MIER1: variants seen among roughly 807,000 people sequenced by gnomAD.
MIER1 encodes MIER1 transcriptional regulator.
Under a neutral mutation model 75.7 loss-of-function variants are expected in MIER1, and 40 were observed. The ratio of observed to expected loss-of-function variants is 0.53; its 90% CI spans 0.41 to 0.69. MIER1 has a LOEUF of 0.69. Ranked by LOEUF, MIER1 falls within the 30% of genes least tolerant of loss-of-function variation. The probability of loss-of-function intolerance (pLI) is 0.00; values close to 1 mark genes in which losing one functional copy is unlikely to be tolerated. For synonymous variants in MIER1, 213 were observed against 223.4 expected, an observed-to-expected ratio of 0.95 and a Z score of 0.42; for missense variants, 574 against 680.2, an observed-to-expected ratio of 0.84 and a Z score of 1.74.
chr1:66,945,217 C>T (rs986529380), intron 3 of MIER1, among the ~76,000 whole-genome samples: 10 of 141,648 alleles, frequency 7.1e-5, no homozygotes, highest in African/African-American at 2.3e-4. Flanking sequence ...ATAGTATTTG[C>T]GTGTAACCTA....
intron 4 of MIER1, chr1:66,946,977 A>G: frequency 1.0e-6 from 1 of 985,306 alleles, no homozygotes; most frequent in Non-Finnish European, 1.2e-6. Flanking sequence ...TGTGATTCTC[A>G]GTTTGGACCT....
chr1:66,935,052 T>G (rs2101116990), intron 2 of MIER1, among the ~76,000 whole-genome samples: 1 of 152,332 alleles, frequency 6.6e-6, no homozygotes, highest in South Asian at 2.1e-4. Context: ...TCATTGCAAA[T>G]AAGCTTTTGA....
chr1:66,985,425 T>C lies in MIER1; in HGVS notation c.*525T>C. 1 of 982,910 alleles carries C rather than the reference T, an allele frequency of 1.0e-6. No individual in the cohort carries two copies. Among genetic ancestry groups the C allele is most frequent in the Non-Finnish European group, 1.2e-6 (1 of 827,528 alleles). 60.9% of individuals were successfully genotyped at this position (982,910 alleles called of 1,614,324 possible). On this transcript the variant is annotated 3_prime_UTR_variant, in exon 14 of 14. Coordinates refer to ENST00000401041, the MANE Select transcript of MIER1 (RefSeq NM_001077700.3). Reference sequence around the variant, plus strand: ...GGAAACCCTTACGAATCCTGAAAATTATGCTAGCATGATTTTTTTATATAT... The same window carrying C: ...GGAAACCCTTACGAATCCTGAAAATCATGCTAGCATGATTTTTTTATATAT...
At chr1:66,968,765 A>G (rs1011632009) in intron 8 of MIER1, among the ~76,000 whole-genome samples, 3 of 152,200 alleles carry the variant, frequency 2.0e-5, no homozygotes, top group African/African-American at 4.8e-5. Context: ...ACTTTTTCCT[A>G]AATTCATGTA....
At position 66,958,200 on chromosome 1, in the gene MIER1, G is replaced by T; in HGVS notation, c.481G>T (p.Gly161Cys). 1 of 1,601,508 alleles carries T rather than the reference G, an allele frequency of 6.2e-7. No homozygotes were observed. Among genetic ancestry groups the T allele is most frequent in the Non-Finnish European group, 8.6e-7 (1 of 1,169,166 alleles). The change falls in exon 5 of 14, where the codon GGC becomes TGC. Residue 161 changes from glycine (G) to cysteine (C), a missense_variant. Transcript: ENST00000401041. Reference sequence around the variant, plus strand: ...AGATGCTGATAATGATGACAACAGTGGCTGTAGTGGGGAAAATAAAGTAAG... The same window carrying T: ...AGATGCTGATAATGATGACAACAGTTGCTGTAGTGGGGAAAATAAAGTAAG... Reference protein sequence around the residue: ...DEDADNDDNSGCSGENKEENI... With the variant: ...DEDADNDDNSCCSGENKEENI...
Position 66,945,265 on chromosome 1 carries a change from G to GTGTA in MIER1, c.194-883_194-880dup, listed in dbSNP as rs1657234381. On this transcript the variant is annotated intron_variant, in intron 3 of 13. Coordinates refer to ENST00000401041, the MANE Select transcript of MIER1 (RefSeq NM_001077700.3). ...TTATATGCTTTAAATAATCTGGTGTGTGTATATATATATATATATATATAT... is the reference window on the plus strand; with the variant it reads ...TTATATGCTTTAAATAATCTGGTGTGTGTATGTATATATATATATATATATATAT... Among the ~76,000 whole-genome samples the GTGTA allele has an allele frequency of 2.6e-4, 4 of 15,572 alleles. No individual in the cohort carries two copies. The Admixed American group carries it at 3.4e-3, about 13-fold the overall frequency. The allele number at this position is 15,572 out of a possible 152,430, so 10.2% of individuals were successfully genotyped here.
intron 2 of MIER1, chr1:66,932,878 A>G (rs954878285): frequency 3.3e-5 from 5 of 152,152 alleles, no homozygotes; most frequent in African/African-American, 1.2e-4. Flanking sequence ...CTACAAGAGC[A>G]TGACCCTGAC....
At chr1:66,945,151 G>A (rs892647395) in intron 3 of MIER1, among the ~76,000 whole-genome samples, 8 of 151,864 alleles carry the variant, frequency 5.3e-5, no homozygotes, top group Non-Finnish European at 1.0e-4. Flanking sequence ...TTCGATACCT[G>A]TAAACCTCCC....
chr1:66,978,791 G>C (rs940038288), intron 12 of MIER1, among the ~76,000 whole-genome samples: 9 of 152,190 alleles, frequency 5.9e-5, no homozygotes, highest in African/African-American at 2.2e-4. Flanking sequence ...TCACCAAAGT[G>C]TGGGCTGGCT....
intron 3 of MIER1, 121 bp from the exon 4 acceptor site, chr1:66,946,029 G>C (rs1657558339): frequency 1.2e-6 from 1 of 823,166 alleles, no homozygotes; most frequent in African/African-American, 1.8e-5. Context: ...AATAGTTGCT[G>C]TGCGTAGCTT....
intron 13 of MIER1, among the ~76,000 whole-genome samples, chr1:66,983,759 G>A (rs946292356): frequency 2.0e-5 from 3 of 151,998 alleles, no homozygotes; most frequent in Non-Finnish European, 4.4e-5. Context: ...ACAGAGTCTC[G>A]CTTTGTCGCC....
intron 13 of MIER1, among the ~76,000 whole-genome samples, chr1:66,983,437 A>G (rs1666281740): frequency 6.6e-6 from 1 of 152,168 alleles, no homozygotes; most frequent in East Asian, 1.9e-4. Context: ...ATATTTTTCA[A>G]GCAATTAAAT....
In MIER1 at chr1:66,987,314, C is replaced by T. The variant is rs1383279988; in HGVS notation, c.*2414C>T. On this transcript the variant is annotated 3_prime_UTR_variant, in exon 14 of 14. Transcript: ENST00000401041. Reference sequence around the variant, plus strand: ...AATTTAATTTGCTTAAGATTTAGTACATTTCAGAACTTTTGAACTTTTGAC... The same window carrying T: ...AATTTAATTTGCTTAAGATTTAGTATATTTCAGAACTTTTGAACTTTTGAC... 6.5e-6 allele frequency: 1 copy of T among 152,692 alleles called. No individual in the cohort carries two copies. The highest frequency in any genetic ancestry group is 1.5e-5 in the Non-Finnish European group (1 of 67,982). 9.5% of individuals were successfully genotyped at this position (152,692 alleles called of 1,614,324 possible).
chr1:66,926,917 T>C (rs1229073554), intron 2 of MIER1, among the ~76,000 whole-genome samples: 1 of 152,174 alleles, frequency 6.6e-6, no homozygotes, highest in Non-Finnish European at 1.5e-5. Flanking sequence ...GATAGGTTTA[T>C]ATAGTATATA....
chr1:66,962,702 A>G (rs1661502557), intron 7 of MIER1, among the ~76,000 whole-genome samples: 1 of 152,148 alleles, frequency 6.6e-6, no homozygotes, highest in African/African-American at 2.4e-5. Flanking sequence ...GATGACACTG[A>G]TGCTGCTCAT....
chr1:66,962,365 A>C (rs1159716486), intron 7 of MIER1, among the ~76,000 whole-genome samples: 1 of 152,206 alleles, frequency 6.6e-6, no homozygotes, highest in Non-Finnish European at 1.5e-5. Context: ...TGAGCTTTAT[A>C]CAAACCCTTT....
In MIER1 at chr1:66,949,221, G is replaced by A. The variant is rs1031305150; in HGVS notation, c.339+2926G>A. 2.0e-5 allele frequency among the ~76,000 whole-genome samples: 3 copies of A among 152,098 alleles called. No individual in the cohort carries two copies. In the South Asian group the frequency reaches 6.2e-4, roughly 32 times the overall value. On this transcript the variant is annotated intron_variant, in intron 4 of 13. Coordinates refer to ENST00000401041, the MANE Select transcript of MIER1 (RefSeq NM_001077700.3). ...TCTATATTAGCTAAAATACTAATTA[G>A]CAAGAGGAAATAAGTAGTTTTCATA...
Position 66,985,814 on chromosome 1 carries a change from A to ATTTT in MIER1, c.*934_*937dup. On this transcript the variant is annotated 3_prime_UTR_variant, in exon 14 of 14. Transcript: ENST00000401041. ...TAAAGCATTCATAAAGGATTATAAAATTTTTTTTTTTTTTTTTTTTTTTAA... is the reference window on the plus strand; with the variant it reads ...TAAAGCATTCATAAAGGATTATAAAATTTTTTTTTTTTTTTTTTTTTTTTTTTAA... 14 of 630,406 alleles carry ATTTT rather than the reference A, an allele frequency of 2.2e-5. No homozygotes were observed. Among genetic ancestry groups the ATTTT allele is most frequent in the East Asian group, 1.5e-4 (1 of 6,844 alleles). The allele number at this position is 630,406 out of a possible 1,614,324, so 39.1% of individuals were successfully genotyped here.
chr1:66,959,883 A>G, intron 7 of MIER1, 140 bp downstream of exon 7: 1 of 395,764 alleles, frequency 2.5e-6, no homozygotes, highest in Non-Finnish European at 4.6e-6. Flanking sequence ...AATGTTTGGT[A>G]AATGTTCAGA....
Sources: allele counts gnomAD v4.1 joint callset (sites outside exome capture counted in the v4.1 genomes callset), GRCh38; gene constraint gnomAD v4.1.1; transcripts MANE v1.5; gene names NCBI Gene and HGNC (gene_info 2026-07-23, HGNC 2026-07-21).